OR13A1: variants seen among roughly 807,000 people sequenced by gnomAD.
OR13A1 encodes the protein olfactory receptor 13A1.
OR13A1 carries 10 observed loss-of-function variants against 7.5 expected under a neutral mutation model. That is an observed-to-expected ratio of 1.34 (90% confidence interval 0.83 to 2.27). The LOEUF (loss-of-function observed/expected upper bound fraction) is 2.27, where lower values mean the gene tolerates loss of function less well. Among genes scored for constraint, OR13A1 ranks in the 30% most tolerant of loss-of-function variants. The pLI is 0.00. For synonymous variants in OR13A1, 238 were observed against 177.9 expected (o/e 1.34, Z -2.69); for missense variants, 509 against 419.1 (o/e 1.21, Z -1.87).
intron 1 of OR13A1, among the ~76,000 whole-genome samples, chr10:45,311,914 G>C (rs1321810925): frequency 1.3e-5 from 2 of 152,108 alleles, no homozygotes; most frequent in African/African-American, 4.8e-5. Flanking sequence ...ATATCAAATA[G>C]AGACAAAGAA....
chr10:45,306,305 T>C (rs1274145396), intron 3 of OR13A1, among the ~76,000 whole-genome samples: 7 of 151,834 alleles, frequency 4.6e-5, no homozygotes, highest in African/African-American at 7.3e-5. Context: ...ATACAAAAAT[T>C]AGCCGGGCGT....
intron 3 of OR13A1, among the ~76,000 whole-genome samples, chr10:45,306,138 C>T (rs1838324474): frequency 6.6e-6 from 1 of 152,176 alleles, no homozygotes; most frequent in African/African-American, 2.4e-5. Context: ...TGGTTTTTCC[C>T]TTTCAACTCT....
chr10:45,305,269 G>GA (rs1262990399), intron 3 of OR13A1, among the ~76,000 whole-genome samples: 12 of 149,480 alleles, frequency 8.0e-5, no homozygotes, highest in African/African-American at 1.2e-4. Context: ...AGGAAAGAAT[G>GA]AAAAAAAATT....
chr10:45,305,395 A>C (rs550298930), intron 3 of OR13A1, among the ~76,000 whole-genome samples: 3 of 152,216 alleles, frequency 2.0e-5, no homozygotes, highest in African/African-American at 4.8e-5. Flanking sequence ...ATGTAAAAGC[A>C]TGTTTGTATA....
In OR13A1 at chr10:45,303,565, T is replaced by C. The variant is rs760267212; in HGVS notation, c.858A>G (p.Ala286=). The change falls in exon 4 of 4, where the codon GCA becomes GCG. Residue 286 remains alanine (A), a synonymous_variant. Transcript: ENST00000553795. ...GCAGGCCAGCCAACTTGCTCTTCCCTGCGCTGTAGCCAGAGACCGGGCTTA... is the reference window on the plus strand; with the variant it reads ...GCAGGCCAGCCAACTTGCTCTTCCCCGCGCTGTAGCCAGAGACCGGGCTTA... The part of the protein sequence containing the change: ...AYISPVSGYS[A]GKSKLAGLLY... The C allele has an allele frequency of 5.0e-6, 8 of 1,613,990 alleles. No homozygotes were observed. The Admixed American group carries it at 8.3e-5, about 17-fold the overall frequency.
At chr10:45,312,176 A>C (rs1237942676) in intron 1 of OR13A1, among the ~76,000 whole-genome samples, 1 of 151,848 alleles carries the variant, frequency 6.6e-6, no homozygotes, top group Non-Finnish European at 1.5e-5. Flanking sequence ...ATGGGAGAAG[A>C]ACAGAAAAAA....
At chr10:45,312,760 G>T (rs1236962785) in intron 1 of OR13A1, among the ~76,000 whole-genome samples, 2 of 151,834 alleles carry the variant, frequency 1.3e-5, no homozygotes, top group East Asian at 3.8e-4. Context: ...GAAGGCAGGG[G>T]GATAATATAT....
At chr10:45,314,434 A>T (rs1838492355) in intron 1 of OR13A1, among the ~76,000 whole-genome samples, 1 of 151,332 alleles carries the variant, frequency 6.6e-6, no homozygotes, top group South Asian at 2.1e-4. Context: ...CCATCTCCAC[A>T]ACTTAAGAAA....
Position 45,303,855 on chromosome 10 carries a change from T to C in OR13A1, c.568A>G (p.Asn190Asp). The C allele has an allele frequency of 6.2e-7, 1 of 1,612,764 alleles. No homozygotes were observed. The highest frequency in any genetic ancestry group is 2.2e-5 in the East Asian group (1 of 44,886). ...LMLRLDFCGP[N>D]VIIHFFCEVP... ...TCGCAGAAGAAATGGATAATGACAT[T>C]GGGGCCACAGAAATCCAAGCGCAGC... The change falls in exon 4 of 4, where the codon AAT becomes GAT. Residue 190 changes from asparagine (N) to aspartate (D), a missense_variant. By Grantham distance (23) the Asn-to-Asp change is conservative (BLOSUM62 1). Coordinates refer to ENST00000553795, the MANE Select transcript of OR13A1 (RefSeq NM_001004297.3).
At chr10:45,306,745 G>A (rs532787852) in intron 3 of OR13A1, among the ~76,000 whole-genome samples, 4 of 152,296 alleles carry the variant, frequency 2.6e-5, no homozygotes, top group South Asian at 2.1e-4. Flanking sequence ...CTATATTAGC[G>A]TGGGGTATGA....
chr10:45,306,013 G>A (rs940792151), intron 3 of OR13A1, among the ~76,000 whole-genome samples: 1 of 152,190 alleles, frequency 6.6e-6, no homozygotes, highest in East Asian at 1.9e-4. Flanking sequence ...ACTCAAATAT[G>A]TGTGTTTAAA....
rs1381242925 is a variant in OR13A1, at chr10:45,304,066, G to A, written c.357C>T (p.Leu119=). 6.2e-7 allele frequency: 1 copy of A among 1,613,772 alleles called. No individual in the cohort carries two copies. Among genetic ancestry groups the A allele is most frequent in the Non-Finnish European group, 8.5e-7 (1 of 1,179,860 alleles). The change falls in exon 4 of 4, where the codon CTC becomes CTT. Residue 119 remains leucine, a synonymous_variant. Coordinates refer to ENST00000553795, the MANE Select transcript of OR13A1 (RefSeq NM_001004297.3). ...SISYGGCMAQ[L]YFLTWAASSE... ...AGGATGCAGCCCACGTGAGGAAATA[G>A]AGCTGGGCCATGCAGCCCCCGTAGG...
chr10:45,313,402 A>G (rs574139083), intron 1 of OR13A1, among the ~76,000 whole-genome samples: 305 of 152,210 alleles, frequency 2.0e-3, no homozygotes, highest in Non-Finnish European at 3.8e-3. Context: ...CATACAGGAA[A>G]CAACAAAATG....
Position 45,303,412 on chromosome 10 carries a change from G to A in OR13A1, c.*24C>T, listed in dbSNP as rs755599644. On this transcript the variant is annotated 3_prime_UTR_variant, in exon 4 of 4. Coordinates refer to ENST00000553795, the MANE Select transcript of OR13A1 (RefSeq NM_001004297.3). ...CTCCACTAAAACTGCAGTCTCCAAG[G>A]ACAAAAACTTCAGAAGACACAAGTT... 4 of 1,565,352 alleles carry A rather than the reference G, an allele frequency of 2.6e-6. No individual in the cohort carries two copies. The highest frequency in any genetic ancestry group is 3.5e-6 in the Non-Finnish European group (4 of 1,155,452).
At chr10:45,311,645 A>G (rs1157218860) in intron 1 of OR13A1, among the ~76,000 whole-genome samples, 2 of 152,132 alleles carry the variant, frequency 1.3e-5, no homozygotes, top group African/African-American at 4.8e-5. Flanking sequence ...AATAGTAGTG[A>G]TACAAAGAGA....
intron 1 of OR13A1, among the ~76,000 whole-genome samples, chr10:45,313,052 G>A (rs375144875): frequency 7.2e-5 from 11 of 152,150 alleles, no homozygotes; most frequent in African/African-American, 2.2e-4. Context: ...TTTAATTCTT[G>A]TATAGAATTT....
Position 45,303,551 on chromosome 10 carries a change from A to G in OR13A1, c.872T>C (p.Leu291Ser). ...VSGYSAGKSKLAGLLYTVLSP... is the reference protein window; with the variant it reads ...VSGYSAGKSKSAGLLYTVLSP... ...CAGCACAGTGTACAGCAGGCCAGCC[A>G]ACTTGCTCTTCCCTGCGCTGTAGCC... The change falls in exon 4 of 4, where the codon TTG becomes TCG. Residue 291 changes from leucine (L) to serine (S), a missense_variant. Transcript: ENST00000553795. 6.2e-7 allele frequency: 1 copy of G among 1,614,120 alleles called. No homozygotes were observed. Among genetic ancestry groups the G allele is most frequent in the East Asian group, 2.2e-5 (1 of 44,882 alleles).
At chr10:45,315,033 G>T (rs1435511445) in intron 1 of OR13A1, among the ~76,000 whole-genome samples, 1 of 152,064 alleles carries the variant, frequency 6.6e-6, no homozygotes, top group African/African-American at 2.4e-5. Flanking sequence ...ACACTTCAAA[G>T]CTCATTATAT....
At position 45,304,365 on chromosome 10, in the gene OR13A1, T is replaced by A. The variant is rs201456765; in HGVS notation, c.58A>T (p.Met20Leu). 4.2e-5 allele frequency: 67 copies of A among 1,614,004 alleles called. No individual in the cohort carries two copies. The highest frequency in any genetic ancestry group is 5.6e-5 in the Non-Finnish European group (66 of 1,180,028). ...GTTACCAACGTCTGGTTACTCATCA[T>A]CCTTGGGCTGGGACGGGTTTCTGGG... ...IVPETRPSPR[M>L]MSNQTLVTEF... is the part of the protein sequence containing the mutation. Residue 20 changes from methionine (M) to leucine (L), a missense_variant, in exon 4 of 4, where the codon ATG (methionine) becomes TTG (leucine). Met to Leu is a conservative substitution (Grantham distance 15). Coordinates refer to ENST00000553795, the MANE Select transcript of OR13A1 (RefSeq NM_001004297.3).
Sources: allele counts gnomAD v4.1 joint callset (sites outside exome capture counted in the v4.1 genomes callset), GRCh38; gene constraint gnomAD v4.1.1; transcripts MANE v1.5; gene names NCBI Gene and HGNC (gene_info 2026-07-23, HGNC 2026-07-21).